Variants in TMEM67 observed in about 807,000 individuals in gnomAD.
TMEM67 encodes the protein transmembrane protein 67.
In TMEM67, 124 loss-of-function variants were observed where a neutral mutation model predicts 136.6. The observed-to-expected ratio is 0.91, with a 90% CI of 0.78 to 1.05. TMEM67 has a LOEUF of 1.05. Ranked by LOEUF, TMEM67 falls within the 50% of genes least tolerant of loss-of-function variation. The probability of loss-of-function intolerance (pLI) is 0.00; values close to 1 mark genes in which losing one functional copy is unlikely to be tolerated. For synonymous variants in TMEM67, 364 were observed against 390.5 expected (o/e 0.93, Z 0.80); for missense variants, 1,107 against 1,178.4 (o/e 0.94, Z 0.89).
At chr8:93,815,025 T>C (rs1253155440) in intron 26 of TMEM67, among the ~76,000 whole-genome samples, 1 of 152,258 alleles carries the variant, frequency 6.6e-6, no homozygotes, top group Non-Finnish European at 1.5e-5. Context: ...AGAAAGGCTA[T>C]TTATTAAATG....
At position 93,804,819 on chromosome 8, in the gene TMEM67, G is replaced by A. The variant is rs1371443185; in HGVS notation, c.2380G>A (p.Val794Ile). The A allele has an allele frequency of 2.5e-6, 4 of 1,608,434 alleles. No individual in the cohort carries two copies. The highest frequency in any genetic ancestry group is 3.4e-6 in the Non-Finnish European group (4 of 1,175,300). Reference protein sequence around the residue: ...CFGYYIHGRSVHGHADTNMEE... With the variant: ...CFGYYIHGRSIHGHADTNMEE... ...TGGATATTACATTCATGGTAGATCA[G>A]TACATGGGCATGCAGATACTAATAT... is the stretch of plus-strand genomic sequence containing the variant. Residue 794 changes from valine (V) to isoleucine (I), a missense_variant, in exon 23 of 28, where the codon GTA becomes ATA. Val to Ile is a conservative substitution (Grantham distance 29, BLOSUM62 3). This residue lies in a region of TMEM67 where 925 missense variants were observed against 1,002.4 expected (regional missense o/e 0.92). Transcript: ENST00000453321.
chr8:93,808,502 AGATG>A (rs1808542421), intron 23 of TMEM67, among the ~76,000 whole-genome samples: 6 of 144,500 alleles, frequency 4.2e-5, no homozygotes, highest in Non-Finnish European at 9.1e-5. Flanking sequence ...GATCTATTAT[AGATG>A]AATATATATA....
At chr8:93,797,817 A>G (rs988121737) in intron 20 of TMEM67, among the ~76,000 whole-genome samples, 1 of 152,146 alleles carries the variant, frequency 6.6e-6, no homozygotes, top group African/African-American at 2.4e-5. Flanking sequence ...CCCCGTCTCT[A>G]CCAAAAAATA....
rs1278477492 is a variant in TMEM67, at chr8:93,816,850, T to G, written c.*398T>G. On this transcript the variant is annotated 3_prime_UTR_variant, in exon 28 of 28. Coordinates refer to ENST00000453321, the MANE Select transcript of TMEM67 (RefSeq NM_153704.6). ...ATTTGATTCCAAGTTTAAGACTAGT[T>G]TTCAGTTTGATATTTTCATGTTTTG... is the stretch of plus-strand genomic sequence containing the variant. 1 of 153,360 alleles carries G rather than the reference T, an allele frequency of 6.5e-6. No homozygotes were observed. The highest frequency in any genetic ancestry group is 6.5e-5 in the Admixed American group (1 of 15,366). 9.5% of individuals were successfully genotyped at this position (153,360 alleles called of 1,614,324 possible). A position where few individuals can be genotyped will look rare whatever the true frequency, so the allele number is the denominator to read the frequency against.
chr8:93,809,517 T>C lies in TMEM67; in HGVS notation c.2662-268T>C, dbSNP rs574571727. 2.6e-5 allele frequency among the ~76,000 whole-genome samples: 4 copies of C among 152,326 alleles called. No homozygotes were observed. In the South Asian group the frequency reaches 8.3e-4, roughly 32 times the overall value. On this transcript the variant is annotated intron_variant, in intron 25 of 27. Transcript: ENST00000453321. Reference sequence around the variant, plus strand: ...TTATTCATTATTGAAATCCTTGTGTTATGCTATGATTGTATTTCTAAAAAG... The same window carrying C: ...TTATTCATTATTGAAATCCTTGTGTCATGCTATGATTGTATTTCTAAAAAG...
At chr8:93,758,603 G>A in intron 3 of TMEM67, 27 bp downstream of exon 3, 1 of 1,528,526 alleles carries the variant, frequency 6.5e-7, no homozygotes, top group South Asian at 1.1e-5. Context: ...TTATAAAGAA[G>A]TAGTGATAAA....
At chr8:93,806,944 A>G (rs1815177835) in intron 23 of TMEM67, among the ~76,000 whole-genome samples, 1 of 152,156 alleles carries the variant, frequency 6.6e-6, no homozygotes, top group Non-Finnish European at 1.5e-5. Context: ...AAATATGACA[A>G]AGAAATTGAT....
the TMEM67 span, among the ~76,000 whole-genome samples, chr8:93,831,040 A>T: frequency 1.3e-5 from 2 of 152,234 alleles, no homozygotes; most frequent in African/African-American, 2.4e-5. Flanking sequence ...TGAGACCCAC[A>T]GCACATCTGG....
intron 22 of TMEM67, 110 bp downstream of exon 22, chr8:93,803,794 A>T (rs1302339617): frequency 1.4e-6 from 1 of 712,490 alleles, no homozygotes; most frequent in East Asian, 2.7e-5. Flanking sequence ...TTTTTGGGCC[A>T]ATTTTCCACT....
At chr8:93,796,411 C>T (rs1303486971) in intron 18 of TMEM67, among the ~76,000 whole-genome samples, 1 of 152,142 alleles carries the variant, frequency 6.6e-6, no homozygotes, top group Non-Finnish European at 1.5e-5. Context: ...CCTATGGCCC[C>T]CCAATCCCCA....
chr8:93,801,082 GAA>G (rs1267370483), intron 21 of TMEM67, among the ~76,000 whole-genome samples: 1 of 151,900 alleles, frequency 6.6e-6, no homozygotes, highest in Admixed American at 6.6e-5. Context: ...CTCATAAACA[GAA>G]AGAGTCCTTC....
chr8:93,811,544 T>A (rs1349584398), intron 26 of TMEM67, among the ~76,000 whole-genome samples: 2 of 152,184 alleles, frequency 1.3e-5, no homozygotes, highest in Non-Finnish European at 2.9e-5. Flanking sequence ...AAAAAATTTT[T>A]TTTTATTTTT....
intron 7 of TMEM67, among the ~76,000 whole-genome samples, chr8:93,773,601 G>C (rs567819660): frequency 6.6e-6 from 1 of 152,226 alleles, no homozygotes; most frequent in East Asian, 1.9e-4. Context: ...GCTGGATAAG[G>C]GGCAAGAGAG....
chr8:93,760,066 TA>T lies in TMEM67; in HGVS notation c.406+1493del, dbSNP rs1308863331. ...ATTCTTTATTTTTGGATGGGAAGAT[TA>T]AATATTAGAAAGATGCAACTCTTCT... On this transcript the variant is annotated intron_variant, in intron 3 of 27. Coordinates refer to ENST00000453321, the MANE Select transcript of TMEM67 (RefSeq NM_153704.6). The T allele has an allele frequency of 3.4e-5, 38 of 1,124,952 alleles. No homozygotes were observed. In the African/African-American group the frequency reaches 5.9e-4, roughly 17 times the overall value. 69.7% of individuals were successfully genotyped at this position (1,124,952 alleles called of 1,614,324 possible).
rs1808971044 is a variant in TMEM67, at chr8:93,818,028, ATAAAT to A, written c.*1581_*1585del. On this transcript the variant is annotated 3_prime_UTR_variant, in exon 28 of 28. Coordinates refer to ENST00000453321, the MANE Select transcript of TMEM67 (RefSeq NM_153704.6). ...AAAGGATCAATTGGCTTACTTGCTG[ATAAAT>A]TAAAACAGAAAACATTTAAAATCAT... 2.0e-5 allele frequency: 3 copies of A among 152,252 alleles called. No individual in the cohort carries two copies. In the South Asian group the frequency reaches 6.2e-4, roughly 31 times the overall value. The allele number at this position is 152,252 out of a possible 1,614,324, so 9.4% of individuals were successfully genotyped here.
intron 12 of TMEM67, 59 bp downstream of exon 12, chr8:93,785,437 C>CT: frequency 6.6e-7 from 1 of 1,517,798 alleles, no homozygotes; most frequent in Non-Finnish European, 9.1e-7. Flanking sequence ...ATAAGTTAAC[C>CT]TACATGATAA....
At chr8:93,766,962 G>T (rs1422468716) in intron 6 of TMEM67, among the ~76,000 whole-genome samples, 1 of 152,114 alleles carries the variant, frequency 6.6e-6, no homozygotes, top group Admixed American at 6.5e-5. Context: ...TATTAAATTT[G>T]CAGGCCTTTA....
At chr8:93,781,023 A>G in intron 9 of TMEM67, 41 bp downstream of exon 9, 1 of 1,279,566 alleles carries the variant, frequency 7.8e-7, no homozygotes, top group Non-Finnish European at 1.1e-6. Context: ...CTACATTTTG[A>G]TTTATAATTT....
chr8:93,812,167 TAAAGA>T (rs1808729755), intron 26 of TMEM67, among the ~76,000 whole-genome samples: 1 of 137,686 alleles, frequency 7.3e-6, no homozygotes, highest in Non-Finnish European at 1.6e-5. Flanking sequence ...AAAAAAAAAG[TAAAGA>T]AAAGAAAAAG....
Sources: allele counts gnomAD v4.1 joint callset (sites outside exome capture counted in the v4.1 genomes callset), GRCh38; gene constraint gnomAD v4.1.1; regional missense constraint gnomAD v4.1.1; transcripts MANE v1.5; gene names NCBI Gene and HGNC (gene_info 2026-07-23, HGNC 2026-07-21).